The following PKHD1 variants were observed in gnomAD, a reference collection of about 807,000 sequenced individuals.
PKHD1 encodes the protein fibrocystin.
A neutral mutation model predicts 412.0 loss-of-function variants in PKHD1; 291 were observed. The observed-to-expected ratio is 0.71, with a 90% CI of 0.64 to 0.78. The LOEUF is 0.78. PKHD1 is among the 30% of genes least tolerant of loss of function. The probability of loss-of-function intolerance (pLI) is 0.00; values close to 1 mark genes in which losing one functional copy is unlikely to be tolerated. For missense variants in PKHD1, 4,825 were observed against 4,950.7 expected (o/e 0.97, Z 0.76); for synonymous variants, 1,777 against 1,821.5 (o/e 0.98, Z 0.62).
intron 33 of PKHD1, among the ~76,000 whole-genome samples, chr6:52,021,507 C>A (rs1463611350): frequency 6.6e-6 from 1 of 152,112 alleles, no homozygotes; most frequent in African/African-American, 2.4e-5. Flanking sequence ...TCTGTTTATG[C>A]TATCTCTCAT....
chr6:51,749,547 T>TAA (rs966555778), intron 57 of PKHD1, among the ~76,000 whole-genome samples: 23 of 152,200 alleles, frequency 1.5e-4, no homozygotes, highest in African/African-American at 5.3e-4. Flanking sequence ...TTAAATACTT[T>TAA]AACTCTCACA....
intron 52 of PKHD1, among the ~76,000 whole-genome samples, chr6:51,794,754 C>T (rs1794329346): frequency 6.6e-6 from 1 of 152,136 alleles, no homozygotes; most frequent in South Asian, 2.1e-4. Context: ...GCCAATTCTC[C>T]CAGCATCATT....
At position 52,033,346 on chromosome 6, in the gene PKHD1, C is replaced by G. The variant is rs36119731; in HGVS notation, c.3229-181G>C. ...TACAACCCTGCACACTCTCCCCATC[C>G]TGCCCCCACACCCACAACACAGAGT... On this transcript the variant is annotated intron_variant, in intron 28 of 66. Coordinates refer to ENST00000371117, the MANE Select transcript of PKHD1 (RefSeq NM_138694.4). 0.062 allele frequency among the ~76,000 whole-genome samples: 9,428 copies of G among 152,262 alleles called. 380 individuals are homozygous for G. The highest frequency in any genetic ancestry group is 0.11 in the Middle Eastern group (33 of 294).
Position 52,025,454 on chromosome 6 carries a change from C to T in PKHD1, c.4356G>A (p.Leu1452=). The T allele has an allele frequency of 6.2e-7, 1 of 1,607,780 alleles. No homozygotes were observed. Among genetic ancestry groups the T allele is most frequent in the Non-Finnish European group, 8.5e-7 (1 of 1,176,050 alleles). The part of the protein sequence containing the change: ...LCQVSLEGDP[L]PGASFSLNVT... ...CGTTCAGGGAGAAGGAAGCTCCAGG[C>T]AAGGGGTCACCCTCCAGGCTAACCT... The change falls in exon 32 of 67, where the codon TTG becomes TTA. Residue 1452 remains leucine (L), a synonymous_variant. Coordinates refer to ENST00000371117, the MANE Select transcript of PKHD1 (RefSeq NM_138694.4).
Position 51,838,020 on chromosome 6 carries a change from C to T in PKHD1, c.8108-1551G>A, listed in dbSNP as rs181175819. ...TTTCATGCATCTTTCTAACTTAATA[C>T]TAATAATAAAGCCACCAGTCAAGGT... On this transcript the variant is annotated intron_variant, in intron 50 of 66. Transcript: ENST00000371117. 8.0e-4 allele frequency among the ~76,000 whole-genome samples: 122 copies of T among 152,274 alleles called. 1 individual carries two copies. The highest frequency in any genetic ancestry group is 2.5e-3 in the African/African-American group (105 of 41,540).
At chr6:51,787,447 C>T (rs1252757297) in intron 53 of PKHD1, among the ~76,000 whole-genome samples, 1 of 151,628 alleles carries the variant, frequency 6.6e-6, no homozygotes, top group Non-Finnish European at 1.5e-5. Context: ...AGCAGGCATA[C>T]TCTGGCAGCA....
intron 31 of PKHD1, 119 bp from the exon 32 acceptor site, chr6:52,026,300 T>G (rs1277717170): frequency 3.1e-6 from 3 of 960,142 alleles, no homozygotes; most frequent in African/African-American, 3.3e-5. Flanking sequence ...TAGTGAAACC[T>G]CAATTATTTT....
At chr6:51,648,748 A>G (rs769337251) in intron 62 of PKHD1, among the ~76,000 whole-genome samples, 1 of 152,222 alleles carries the variant, frequency 6.6e-6, no homozygotes, top group Non-Finnish European at 1.5e-5. Flanking sequence ...CTTCACTAGC[A>G]TGTGAAAAAC....
intron 50 of PKHD1, among the ~76,000 whole-genome samples, chr6:51,844,117 G>A (rs1381192269): frequency 1.3e-5 from 2 of 152,176 alleles, no homozygotes; most frequent in Non-Finnish European, 2.9e-5. Context: ...TCAGGAAAAC[G>A]TTGGTGAAAT....
In PKHD1 at chr6:52,025,471, G is replaced by C. The variant is rs1802016406; in HGVS notation, c.4339C>G (p.Leu1447Val). 1.2e-6 allele frequency: 2 copies of C among 1,611,218 alleles called. No individual in the cohort carries two copies. Among genetic ancestry groups the C allele is most frequent in the Non-Finnish European group, 8.5e-7 (1 of 1,177,968 alleles). The change falls in exon 32 of 67, where the codon CTG becomes GTG. Residue 1447 changes from leucine (L) to valine (V), a missense_variant. Leu to Val is a conservative substitution (Grantham distance 32). Transcript: ENST00000371117. Reference protein sequence around the residue: ...GDHTILCQVSLEGDPLPGASF... With the variant: ...GDHTILCQVSVEGDPLPGASF... The stretch of plus-strand genomic sequence containing the variant: ...GCTCCAGGCAAGGGGTCACCCTCCA[G>C]GCTAACCTGGCAGAGAATGGTGTGG...
At chr6:52,086,544 C>T (rs1261554306) in intron 1 of PKHD1, among the ~76,000 whole-genome samples, 1 of 152,146 alleles carries the variant, frequency 6.6e-6, no homozygotes, top group Non-Finnish European at 1.5e-5. Context: ...ACTCACCTTA[C>T]GGGCATGTTC....
chr6:51,737,382 C>T (rs1783985584), intron 60 of PKHD1, among the ~76,000 whole-genome samples: 1 of 152,162 alleles, frequency 6.6e-6, no homozygotes, highest in South Asian at 2.1e-4. Context: ...TGAGGTCAGT[C>T]ACCTCACTTC....
intron 35 of PKHD1, among the ~76,000 whole-genome samples, chr6:51,977,540 C>T (rs1208937180): frequency 6.6e-6 from 1 of 152,178 alleles, no homozygotes; most frequent in East Asian, 1.9e-4. Flanking sequence ...TTGATATTGT[C>T]CCCTCACCCC....
intron 35 of PKHD1, among the ~76,000 whole-genome samples, chr6:52,005,954 G>T: frequency 6.8e-6 from 1 of 146,424 alleles, no homozygotes; most frequent in Non-Finnish European, 1.5e-5. Context: ...GAATCTAGTA[G>T]GCAGTCCTGC....
At chr6:51,948,386 T>C (rs1583516320) in intron 36 of PKHD1, among the ~76,000 whole-genome samples, 1 of 152,182 alleles carries the variant, frequency 6.6e-6, no homozygotes, top group South Asian at 2.1e-4. Flanking sequence ...TACTCCTTTT[T>C]GCTCCCTTGC....
At chr6:51,723,492 G>A (rs1782184571) in intron 60 of PKHD1, among the ~76,000 whole-genome samples, 1 of 152,164 alleles carries the variant, frequency 6.6e-6, no homozygotes, top group Admixed American at 6.5e-5. Flanking sequence ...TATACCATAA[G>A]ACTATTGACT....
chr6:52,083,218 A>T lies in PKHD1; in HGVS notation c.90T>A (p.Gly30=). 6.2e-7 allele frequency: 1 copy of T among 1,612,550 alleles called. No homozygotes were observed. Among genetic ancestry groups the T allele is most frequent in the Non-Finnish European group, 8.5e-7 (1 of 1,178,514 alleles). Residue 30 remains glycine (G), a synonymous_variant, in exon 3 of 67, where the codon GGT becomes GGA. Coordinates refer to ENST00000371117, the MANE Select transcript of PKHD1 (RefSeq NM_138694.4). Reference sequence around the variant, plus strand: ...TGATCCACGTTCCCCCTGCAAGGCTACCTTCTTCAGGTTCAATATGTAAAC... The same window carrying T: ...TGATCCACGTTCCCCCTGCAAGGCTTCCTTCTTCAGGTTCAATATGTAAAC... ...HLSLHIEPEE[G]SLAGGTWITV...
chr6:51,821,018 G>A (rs1027893876), intron 52 of PKHD1, among the ~76,000 whole-genome samples: 4 of 152,142 alleles, frequency 2.6e-5, no homozygotes, highest in Admixed American at 6.6e-5. Context: ...AAACTCCCAC[G>A]GGCAGCTGCT....
At chr6:51,635,876 C>CGGGGGGGGTGGGGGGGG (rs1581768607) in intron 64 of PKHD1, among the ~76,000 whole-genome samples, 1 of 41,506 alleles carries the variant, frequency 2.4e-5, no homozygotes, top group Non-Finnish European at 5.3e-5. Context: ...GGCGGGGGGC[C>CGGGGGGGGTGGGGGGGG]GGGGGCGGAT....
Sources: gnomAD v4.1 joint callset for allele counts (sites outside exome capture counted in the v4.1 genomes callset) on GRCh38, gnomAD v4.1.1 for gene constraint, MANE v1.5 for transcripts, NCBI Gene and HGNC (gene_info 2026-07-23, HGNC 2026-07-21) for gene names.